Variants in CHST11 observed in about 807,000 individuals in gnomAD.
The protein encoded by CHST11 is C4S-1.
Under a neutral mutation model 30.4 loss-of-function variants are expected in CHST11, and 9 were observed. The observed-to-expected ratio is 0.30, with a 90% CI of 0.18 to 0.52. The LOEUF (loss-of-function observed/expected upper bound fraction) is 0.52. CHST11 is among the 20% of genes least tolerant of loss of function. The pLI is 0.97. For missense variants in CHST11, 348 were observed against 460.6 expected, an observed-to-expected ratio of 0.76 and a Z score of 2.24; for synonymous variants, 152 against 187.8, an observed-to-expected ratio of 0.81 and a Z score of 1.56.
intron 2 of CHST11, among the ~76,000 whole-genome samples, chr12:104,699,881 C>T (rs1049720068): frequency 2.0e-5 from 3 of 152,166 alleles, no homozygotes; most frequent in Non-Finnish European, 4.4e-5. Context: ...AGGCCAGCAC[C>T]TCCTGGGAGC....
At chr12:104,569,819 C>T (rs1208048977) in intron 1 of CHST11, among the ~76,000 whole-genome samples, 1 of 152,168 alleles carries the variant, frequency 6.6e-6, no homozygotes, top group Non-Finnish European at 1.5e-5. Flanking sequence ...TGGGAGTCCC[C>T]AACCCTGGGC....
rs567962524 is a variant in CHST11 at position 104,615,488 on chromosome 12, GC to G, written c.204+13499del. Among the ~76,000 whole-genome samples, 11 of 152,206 alleles carry G rather than the reference GC, an allele frequency of 7.2e-5. 1 individual carries two copies. Among genetic ancestry groups the G allele is most frequent in the Admixed American group, 5.2e-4 (8 of 15,276 alleles). ...TCTGAGAGAAAGATGAATGTCTGAG[GC>G]CACACAGCCTAGAAGTAGTCAAGAG... On this transcript the variant is annotated intron_variant, in intron 2 of 2. Transcript: ENST00000303694.
intron 1 of CHST11, among the ~76,000 whole-genome samples, chr12:104,482,687 C>T (rs2037638716): frequency 6.6e-6 from 1 of 152,098 alleles, no homozygotes; most frequent in African/African-American, 2.4e-5. Flanking sequence ...CACACATTGC[C>T]TCAAATTCTC....
intron 2 of CHST11, among the ~76,000 whole-genome samples, chr12:104,710,349 C>T (rs996648762): frequency 8.5e-5 from 13 of 152,164 alleles, no homozygotes; most frequent in African/African-American, 1.2e-4. Context: ...TGCTGGCTGT[C>T]TCCAGACTGG....
chr12:104,725,184 A>G lies in CHST11; in HGVS notation c.205-31765A>G, dbSNP rs79123854. ...ATAATAATGGTTCCCTCCTCATGCA[A>G]TGGCAGAGGATGAAATGACAGTAGC... On this transcript the variant is annotated intron_variant, in intron 2 of 2. Coordinates refer to ENST00000303694, the MANE Select transcript of CHST11 (RefSeq NM_018413.6). Among the ~76,000 whole-genome samples, 582 of 152,292 alleles carry G rather than the reference A, an allele frequency of 3.8e-3. 9 individuals are homozygous for G. The highest frequency in any genetic ancestry group is 0.013 in the African/African-American group (552 of 41,546).
rs1269870254 is a variant in CHST11, at chr12:104,755,040, G to A, written c.205-1909G>A. On this transcript the variant is annotated intron_variant, in intron 2 of 2. Transcript: ENST00000303694. ...GAGATGGACATGGAGCTTAATGCAG[G>A]GTGCAATGGCTTCTCCCTGGTGGCT... is the stretch of plus-strand genomic sequence containing the variant. Among the ~76,000 whole-genome samples the A allele has an allele frequency of 3.3e-5, 5 of 152,220 alleles. No homozygotes were observed. In the East Asian group the frequency reaches 9.7e-4, roughly 29 times the overall value.
intron 1 of CHST11, among the ~76,000 whole-genome samples, chr12:104,486,409 G>C (rs138319717): frequency 6.6e-6 from 1 of 152,096 alleles, no homozygotes; most frequent in Admixed American, 6.5e-5. Context: ...GGTGCTCCCA[G>C]CTTTCACAAA....
At chr12:104,604,910 A>C (rs1449233789) in intron 2 of CHST11, among the ~76,000 whole-genome samples, 2 of 152,204 alleles carry the variant, frequency 1.3e-5, no homozygotes, top group Non-Finnish European at 2.9e-5. Flanking sequence ...AGATGCTTAT[A>C]AACATCTTAT....
chr12:104,683,824 T>A (rs1454882666), intron 2 of CHST11, among the ~76,000 whole-genome samples: 1 of 152,182 alleles, frequency 6.6e-6, no homozygotes, highest in Non-Finnish European at 1.5e-5. Context: ...TAAATGAATG[T>A]GGGAGTGAAT....
chr12:104,756,530 GGGGT>G (rs1476402661), intron 2 of CHST11, among the ~76,000 whole-genome samples: 2 of 45,120 alleles, frequency 4.4e-5, no homozygotes, highest in East Asian at 1.4e-3. Flanking sequence ...GGATCCATGT[GGGGT>G]GTGTGTGTGT....
intron 2 of CHST11, among the ~76,000 whole-genome samples, chr12:104,679,254 T>C (rs1347800404): frequency 1.3e-5 from 2 of 151,996 alleles, no homozygotes; most frequent in African/African-American, 2.4e-5. Context: ...CTGAGGGAAG[T>C]AGAATTTAGC....
intron 2 of CHST11, among the ~76,000 whole-genome samples, chr12:104,629,594 G>C (rs973073206): frequency 3.3e-5 from 5 of 152,182 alleles, no homozygotes; most frequent in Admixed American, 6.5e-5. Flanking sequence ...GGCCGAGGCA[G>C]GCAGATCACT....
intron 1 of CHST11, among the ~76,000 whole-genome samples, chr12:104,476,035 C>T (rs1387787304): frequency 2.2e-5 from 3 of 138,016 alleles, no homozygotes; most frequent in South Asian, 2.2e-4. Context: ...ATAATATATA[C>T]ATATATGTAA....
intron 2 of CHST11, among the ~76,000 whole-genome samples, chr12:104,739,526 G>A (rs2040329504): frequency 6.6e-6 from 1 of 152,224 alleles, no homozygotes; most frequent in South Asian, 2.1e-4. Context: ...CAGCCAGTAA[G>A]TACTAGAGCC....
At chr12:104,617,928 A>T (rs1036908457) in intron 2 of CHST11, among the ~76,000 whole-genome samples, 2 of 150,478 alleles carry the variant, frequency 1.3e-5, no homozygotes, top group African/African-American at 4.9e-5. Context: ...TTTTCCCTTG[A>T]GATAGAGTCT....
chr12:104,551,851 G>A (rs370459237), intron 1 of CHST11, among the ~76,000 whole-genome samples: 4 of 152,104 alleles, frequency 2.6e-5, no homozygotes, highest in Admixed American at 6.5e-5. Context: ...ATCCTGGTGC[G>A]GGCTGGTGGT....
intron 2 of CHST11, among the ~76,000 whole-genome samples, chr12:104,665,603 A>G (rs949766862): frequency 1.3e-5 from 2 of 152,022 alleles, no homozygotes; most frequent in African/African-American, 4.8e-5. Flanking sequence ...TTTGCACAGC[A>G]TCGGGTACAT....
At position 104,761,563 on chromosome 12, in the gene CHST11, G is replaced by A. The variant is rs2040527038; in HGVS notation, c.*3760G>A. The A allele has an allele frequency of 6.6e-6, 1 of 152,502 alleles. No individual in the cohort carries two copies. The allele number at this position is 152,502 out of a possible 1,614,324, so 9.4% of individuals were successfully genotyped here. ...AAATCCCTTCCTTGCCCACCTCTAT[G>A]TCAGCAGGACTGACCACATCACTCC... On this transcript the variant is annotated 3_prime_UTR_variant, in exon 3 of 3. Transcript: ENST00000303694.
Position 104,757,395 on chromosome 12 carries a change from C to G in CHST11, c.651C>G (p.Ile217Met). The G allele has an allele frequency of 6.2e-7, 1 of 1,614,148 alleles. No homozygotes were observed. Among genetic ancestry groups the G allele is most frequent in the South Asian group, 1.1e-5 (1 of 91,076 alleles). The stretch of plus-strand genomic sequence containing the variant: ...ACAAGCGGTACGGCACCAAGATCAT[C>G]AAACGCCAGCGGAAGAACGCCACCC... ...SFHKRYGTKI[I>M]KRQRKNATQE... The change falls in exon 3 of 3, where the codon ATC (isoleucine) becomes ATG (methionine). Residue 217 changes from isoleucine (I) to methionine (M), a missense_variant. Physicochemically the swap from Ile to Met is conservative, Grantham distance 10 (BLOSUM62 1). This residue lies in a region of CHST11 where 210 missense variants were observed against 287.2 expected (regional missense o/e 0.73). Transcript: ENST00000303694. This position sits in a 1 kb window ranked among gnomAD's most constrained non-coding sequence, Gnocchi z 6.5.
Sources: allele counts gnomAD v4.1 joint callset (sites outside exome capture counted in the v4.1 genomes callset), GRCh38; gene constraint gnomAD v4.1.1; regional missense constraint gnomAD v4.1.1; non-coding constraint Gnocchi (gnomAD v3.1); transcripts MANE v1.5; gene names NCBI Gene and HGNC (gene_info 2026-07-23, HGNC 2026-07-21).